The following SGCD variants were observed in gnomAD, a reference collection of about 807,000 sequenced individuals.
SGCD encodes sarcoglycan delta, also known as delta-sarcoglycan.
SGCD carries 18 observed loss-of-function variants against 36.6 expected under a neutral mutation model. The observed-to-expected ratio is 0.49, with a 90% CI of 0.34 to 0.73. SGCD has a LOEUF of 0.73. Ranked by LOEUF, SGCD falls within the 30% of genes least tolerant of loss-of-function variation. The pLI is 0.01. For synonymous variants in SGCD, 133 were observed against 130.6 expected (o/e 1.02, Z -0.12); for missense variants, 387 against 346.7 (o/e 1.12, Z -0.92).
intron 3 of SGCD, among the ~76,000 whole-genome samples, chr5:156,364,268 C>A (rs1022810893): frequency 6.6e-6 from 1 of 152,060 alleles, no homozygotes; most frequent in African/African-American, 2.4e-5. Flanking sequence ...AGTGTTCTTC[C>A]TTGCTGTATT....
chr5:155,933,614 A>C (rs1201648018), intron 1 of SGCD, among the ~76,000 whole-genome samples: 1 of 152,216 alleles, frequency 6.6e-6, no homozygotes, highest in Non-Finnish European at 1.5e-5. Context: ...GTTTTGGCTT[A>C]AGATGGAACT....
At chr5:155,775,296 A>T in the SGCD span, among the ~76,000 whole-genome samples, 1 of 151,828 alleles carries the variant, frequency 6.6e-6, no homozygotes, top group African/African-American at 2.4e-5. Context: ...CTTCTTGGGG[A>T]TGGGGCCCTT....
chr5:155,980,476 T>C (rs1162237239), intron 1 of SGCD, among the ~76,000 whole-genome samples: 2 of 151,416 alleles, frequency 1.3e-5, no homozygotes, highest in East Asian at 3.9e-4. Flanking sequence ...TAGACCCAGC[T>C]ACTCAGGAGG....
chr5:156,685,589 G>A (rs1488440981), intron 7 of SGCD, among the ~76,000 whole-genome samples: 1 of 152,186 alleles, frequency 6.6e-6, no homozygotes, highest in Non-Finnish European at 1.5e-5. Flanking sequence ...ACTATCCACA[G>A]AACCTCCAGC....
intron 6 of SGCD, among the ~76,000 whole-genome samples, chr5:156,629,191 T>TA (rs1482892979): frequency 6.6e-6 from 1 of 152,194 alleles, no homozygotes; most frequent in Non-Finnish European, 1.5e-5. Flanking sequence ...TCTTGAATGT[T>TA]ACCATTCAAG....
chr5:156,367,981 T>A (rs1015110808), intron 3 of SGCD, among the ~76,000 whole-genome samples: 2 of 152,226 alleles, frequency 1.3e-5, no homozygotes, highest in African/African-American at 4.8e-5. Context: ...TATTTTTTAA[T>A]TGAGGAGCTT....
rs886060313 is a variant in SGCD, at chr5:156,765,613, T to A, written c.*6223T>A. Reference sequence around the variant, plus strand: ...TAGCCACTGTGCTAAACATTTTACATACATTCTCCTATTTCATCCTCAAAA... The same window carrying A: ...TAGCCACTGTGCTAAACATTTTACAAACATTCTCCTATTTCATCCTCAAAA... On this transcript the variant is annotated 3_prime_UTR_variant, in exon 9 of 9. Coordinates refer to ENST00000337851, the MANE Select transcript of SGCD (RefSeq NM_000337.6). 1 of 152,226 alleles carries A rather than the reference T, an allele frequency of 6.6e-6. No individual in the cohort carries two copies. The highest frequency in any genetic ancestry group is 2.4e-5 in the African/African-American group (1 of 41,462). The allele number at this position is 152,226 out of a possible 1,614,324, so 9.4% of individuals were successfully genotyped here. A position where few individuals can be genotyped will look rare whatever the true frequency, so the allele number is the denominator to read the frequency against.
intron 1 of SGCD, among the ~76,000 whole-genome samples, chr5:155,942,276 A>G (rs920418145): frequency 6.6e-6 from 1 of 151,446 alleles, no homozygotes; most frequent in Admixed American, 6.6e-5. Context: ...TCTATCATCT[A>G]TGTATCTATG....
At chr5:156,444,065 TC>T (rs1341352274) in intron 3 of SGCD, among the ~76,000 whole-genome samples, 18 of 12,378 alleles carry the variant, frequency 1.5e-3, no homozygotes, top group Non-Finnish European at 2.9e-3. Flanking sequence ...TTTCTCTCCT[TC>T]TCTCTCTCTC....
At chr5:156,046,347 G>A (rs985322722) in intron 1 of SGCD, among the ~76,000 whole-genome samples, 2 of 152,174 alleles carry the variant, frequency 1.3e-5, no homozygotes, top group African/African-American at 4.8e-5. Context: ...CTACACTTCT[G>A]CTGTATACTA....
intron 3 of SGCD, among the ~76,000 whole-genome samples, chr5:156,420,046 G>A (rs1773228988): frequency 6.6e-6 from 1 of 152,100 alleles, no homozygotes; most frequent in Non-Finnish European, 1.5e-5. Flanking sequence ...CTTGATAACA[G>A]TCCATTGGTC....
intron 3 of SGCD, among the ~76,000 whole-genome samples, chr5:156,503,411 A>G (rs1326562191): frequency 1.3e-5 from 2 of 152,202 alleles, no homozygotes. Flanking sequence ...AAAAGTATCT[A>G]TCATAAAAAT....
the SGCD span, among the ~76,000 whole-genome samples, chr5:155,823,674 A>G: frequency 2.6e-4 from 40 of 152,244 alleles, no homozygotes; most frequent in African/African-American, 7.7e-4. Flanking sequence ...GGTGTCCCCA[A>G]GAGAGGCAGA....
intron 7 of SGCD, among the ~76,000 whole-genome samples, chr5:156,662,080 G>T (rs1745378277): frequency 6.7e-6 from 1 of 149,150 alleles, no homozygotes; most frequent in African/African-American, 2.5e-5. Context: ...GTTGCCTCTG[G>T]GGTTAATATT....
intron 3 of SGCD, among the ~76,000 whole-genome samples, chr5:156,195,385 A>C (rs1384908038): frequency 6.6e-6 from 1 of 152,214 alleles, no homozygotes; most frequent in Non-Finnish European, 1.5e-5. Context: ...ATTCCTTCAA[A>C]TATACCACAG....
chr5:156,568,667 G>A (rs1759594841), intron 4 of SGCD, among the ~76,000 whole-genome samples: 1 of 152,152 alleles, frequency 6.6e-6, no homozygotes, highest in South Asian at 2.1e-4. Flanking sequence ...TTGTACAGTG[G>A]GCTAACATGT....
chr5:155,833,244 G>T, the SGCD span, among the ~76,000 whole-genome samples: 1 of 151,468 alleles, frequency 6.6e-6, no homozygotes, highest in African/African-American at 2.4e-5. Flanking sequence ...AAAGTCAGAA[G>T]GTACTGAGAT....
chr5:156,686,297 C>T (rs1219585027), intron 7 of SGCD, among the ~76,000 whole-genome samples: 2 of 152,064 alleles, frequency 1.3e-5, no homozygotes, highest in East Asian at 1.9e-4. Flanking sequence ...ATCTAAAGAC[C>T]CCTAGGTTAG....
intron 1 of SGCD, among the ~76,000 whole-genome samples, chr5:155,898,624 C>A (rs1756320154): frequency 6.6e-6 from 1 of 152,128 alleles, no homozygotes; most frequent in African/African-American, 2.4e-5. Flanking sequence ...CAGTAGTAGA[C>A]AGTCCCAGGG....
Sources: gnomAD v4.1 joint callset for allele counts (sites outside exome capture counted in the v4.1 genomes callset) on GRCh38, gnomAD v4.1.1 for gene constraint, MANE v1.5 for transcripts, NCBI Gene and HGNC (gene_info 2026-07-23, HGNC 2026-07-21) for gene names.